The following UBE3D variants were observed in gnomAD, a reference collection of about 807,000 sequenced individuals.
UBE3D encodes the protein E3 ubiquitin-protein ligase E3D.
UBE3D carries 48 observed loss-of-function variants against 49.6 expected under a neutral mutation model. That is an observed-to-expected ratio of 0.97 (90% CI 0.77 to 1.23). The LOEUF is 1.23. Among genes scored for constraint, UBE3D ranks in the 50% most tolerant of loss-of-function variants. The probability of loss-of-function intolerance (pLI) is 0.00; values close to 1 mark genes in which losing one functional copy is unlikely to be tolerated. For synonymous variants in UBE3D, 189 were observed against 174.2 expected (o/e 1.08, Z -0.67); for missense variants, 452 against 468.4 (o/e 0.96, Z 0.32).
chr6:82,900,748 A>C (rs1771671404), intron 9 of UBE3D, among the ~76,000 whole-genome samples: 1 of 152,194 alleles, frequency 6.6e-6, no homozygotes, highest in African/African-American at 2.4e-5. Flanking sequence ...CTTGTGCATG[A>C]GGGAATAATT....
Position 82,917,958 on chromosome 6 carries a change from T to C in UBE3D, c.1150-24916A>G, listed in dbSNP as rs1300945542. 3.9e-5 allele frequency among the ~76,000 whole-genome samples: 6 copies of C among 152,208 alleles called. No homozygotes were observed. The South Asian group carries it at 1.0e-3, about 26-fold the overall frequency. The stretch of plus-strand genomic sequence containing the variant: ...ACCAGCCTGCTCCTTTCTTAAACTC[T>C]ACTTCCTTTGACAAACTCTCTGCTC... On this transcript the variant is annotated intron_variant, in intron 9 of 9. Coordinates refer to ENST00000369747, the MANE Select transcript of UBE3D (RefSeq NM_198920.3).
chr6:83,014,439 T>C (rs1383239541), intron 8 of UBE3D, among the ~76,000 whole-genome samples: 1 of 152,162 alleles, frequency 6.6e-6, no homozygotes, highest in Non-Finnish European at 1.5e-5. Flanking sequence ...AGTTGTTAAG[T>C]ATGTCTATGC....
chr6:82,940,396 CT>C (rs1774923429), intron 9 of UBE3D, among the ~76,000 whole-genome samples: 1 of 152,192 alleles, frequency 6.6e-6, no homozygotes, highest in African/African-American at 2.4e-5. Flanking sequence ...TAATCACTAC[CT>C]TTGAGAACGA....
At chr6:83,049,044 G>A (rs928075209) in intron 3 of UBE3D, among the ~76,000 whole-genome samples, 7 of 152,154 alleles carry the variant, frequency 4.6e-5, no homozygotes, top group East Asian at 1.9e-4. Context: ...AATGTACCAT[G>A]AGCATAAACT....
chr6:83,050,243 A>AT lies in UBE3D; in HGVS notation c.365+3904dup, dbSNP rs200130807. Among the ~76,000 whole-genome samples the AT allele has an allele frequency of 1.3e-4, 9 of 69,970 alleles. No homozygotes were observed. The East Asian group carries it at 2.3e-3, about 18-fold the overall frequency. 45.9% of individuals were successfully genotyped at this position (69,970 alleles called of 152,430 possible). A position where few individuals can be genotyped will look rare whatever the true frequency, so the allele number is the denominator to read the frequency against. On this transcript the variant is annotated intron_variant, in intron 3 of 9. Coordinates refer to ENST00000369747, the MANE Select transcript of UBE3D (RefSeq NM_198920.3). ...AATTAATTTGACAAGAACCTTTTTT[A>AT]TTTAAAAAAAAAAAAAGAATAAGCA...
intron 9 of UBE3D, among the ~76,000 whole-genome samples, chr6:82,924,092 T>TA (rs1267454962): frequency 2.7e-5 from 4 of 146,336 alleles, no homozygotes; most frequent in Non-Finnish European, 6.0e-5. Context: ...AGCGTATAAA[T>TA]AAAAAAAGGT....
At chr6:82,894,601 C>G (rs1771176519) in intron 9 of UBE3D, among the ~76,000 whole-genome samples, 1 of 152,190 alleles carries the variant, frequency 6.6e-6, no homozygotes, top group Non-Finnish European at 1.5e-5. Flanking sequence ...CTGTCTTTAA[C>G]CCTCACCTTC....
At chr6:83,046,678 G>GGGGA in intron 3 of UBE3D, among the ~76,000 whole-genome samples, 1 of 132,890 alleles carries the variant, frequency 7.5e-6, no homozygotes, top group Admixed American at 7.8e-5. Flanking sequence ...TTGGCGGGGG[G>GGGGA]GGTGGGCGGT....
At chr6:83,042,875 G>A (rs1782768845) in intron 4 of UBE3D, among the ~76,000 whole-genome samples, 1 of 152,186 alleles carries the variant, frequency 6.6e-6, no homozygotes, top group African/African-American at 2.4e-5. Context: ...CCTTGAGAGC[G>A]CTGTTTACGC....
At chr6:82,969,583 G>A (rs1275786156) in intron 8 of UBE3D, among the ~76,000 whole-genome samples, 6 of 152,210 alleles carry the variant, frequency 3.9e-5, no homozygotes, top group East Asian at 3.9e-4. Flanking sequence ...ACTCCAGACC[G>A]AGTGACAGAG....
intron 9 of UBE3D, among the ~76,000 whole-genome samples, chr6:82,924,603 T>G (rs1310795511): frequency 6.6e-6 from 1 of 152,192 alleles, no homozygotes; most frequent in Admixed American, 6.5e-5. Flanking sequence ...TTTAAAAATA[T>G]TTGCCAAGCA....
At chr6:83,031,682 TGAGGAAA>T (rs1413016734) in intron 5 of UBE3D, among the ~76,000 whole-genome samples, 1 of 152,124 alleles carries the variant, frequency 6.6e-6, no homozygotes, top group African/African-American at 2.4e-5. Flanking sequence ...ACTAAGACAA[TGAGGAAA>T]GTGACTTCAG....
intron 4 of UBE3D, among the ~76,000 whole-genome samples, chr6:83,042,168 A>G (rs1482803541): frequency 6.6e-6 from 1 of 152,212 alleles, no homozygotes; most frequent in East Asian, 1.9e-4. Flanking sequence ...TCAACCTCCC[A>G]AAGTGCTGGG....
At chr6:82,987,797 T>C (rs1281986610) in intron 8 of UBE3D, among the ~76,000 whole-genome samples, 1 of 152,208 alleles carries the variant, frequency 6.6e-6, no homozygotes, top group Non-Finnish European at 1.5e-5. Context: ...TTATTTTTAA[T>C]GTAAAAACTG....
intron 8 of UBE3D, among the ~76,000 whole-genome samples, chr6:83,001,213 C>T (rs772410986): frequency 6.6e-5 from 10 of 152,168 alleles, no homozygotes; most frequent in Non-Finnish European, 8.8e-5. Flanking sequence ...CTCATAGCAC[C>T]ATTTATCTCT....
At chr6:82,981,073 T>C (rs1778085803) in intron 8 of UBE3D, among the ~76,000 whole-genome samples, 1 of 152,104 alleles carries the variant, frequency 6.6e-6, no homozygotes, top group African/African-American at 2.4e-5. Context: ...ATTTGCATAG[T>C]ACCTTATATG....
At chr6:83,018,654 C>A (rs566680923) in intron 8 of UBE3D, 14 of 262,328 alleles carry the variant, frequency 5.3e-5, no homozygotes, top group Non-Finnish European at 1.0e-4. Flanking sequence ...ATTATTGTAT[C>A]CTGATGCCTG....
At chr6:82,998,373 C>G (rs1243105314) in intron 8 of UBE3D, among the ~76,000 whole-genome samples, 1 of 152,298 alleles carries the variant, frequency 6.6e-6, no homozygotes, top group African/African-American at 2.4e-5. Flanking sequence ...AGCAGAACCA[C>G]AGGAACACTG....
chr6:82,938,468 G>GT (rs893919597), intron 9 of UBE3D: 1 of 152,154 alleles, frequency 6.6e-6, no homozygotes, highest in Non-Finnish European at 1.5e-5. Context: ...AGTGACAGAG[G>GT]TAACACCAGG....
Sources: gnomAD v4.1 joint callset for allele counts (sites outside exome capture counted in the v4.1 genomes callset) on GRCh38, gnomAD v4.1.1 for gene constraint, MANE v1.5 for transcripts, NCBI Gene and HGNC (gene_info 2026-07-23, HGNC 2026-07-21) for gene names.